The following NBAS variants were observed in gnomAD, a reference collection of about 807,000 sequenced individuals.
NBAS encodes NAG/BC035112 fusion.
Under a neutral mutation model 302.5 loss-of-function variants are expected in NBAS, and 219 were observed. That is an observed-to-expected ratio of 0.72 (90% confidence interval 0.65 to 0.81). NBAS has a LOEUF of 0.81. Ranked by LOEUF, NBAS falls within the 30% of genes least tolerant of loss-of-function variation. The probability of loss-of-function intolerance (pLI) is 0.00; values close to 1 mark genes in which losing one functional copy is unlikely to be tolerated. For missense variants in NBAS, 2,932 were observed against 2,841.6 expected, an observed-to-expected ratio of 1.03 and a Z score of -0.72; for synonymous variants, 1,118 against 1,021.6, an observed-to-expected ratio of 1.09 and a Z score of -1.80.
At chr2:14,954,043 A>C in the NBAS span, among the ~76,000 whole-genome samples, 2 of 152,204 alleles carry the variant, frequency 1.3e-5, no homozygotes, top group African/African-American at 4.8e-5. Context: ...CTTCATTCTT[A>C]AGATTTTCAG....
the NBAS span, among the ~76,000 whole-genome samples, chr2:14,865,970 G>A: frequency 6.6e-6 from 1 of 152,014 alleles, no homozygotes; most frequent in African/African-American, 2.4e-5. Flanking sequence ...TACTAAACAT[G>A]CCCTTAGAAG....
intron 51 of NBAS, among the ~76,000 whole-genome samples, chr2:15,171,101 T>C (rs971031738): frequency 6.6e-6 from 1 of 152,226 alleles, no homozygotes; most frequent in East Asian, 1.9e-4. Context: ...TCTCTGACCA[T>C]GCATTATTCA....
chr2:15,438,909 C>T (rs1678177929), intron 21 of NBAS, among the ~76,000 whole-genome samples: 1 of 152,130 alleles, frequency 6.6e-6, no homozygotes, highest in Non-Finnish European at 1.5e-5. Flanking sequence ...TCACATAGGG[C>T]CAGGAATAGT....
At chr2:14,966,308 A>C in the NBAS span, among the ~76,000 whole-genome samples, 1 of 152,218 alleles carries the variant, frequency 6.6e-6, no homozygotes, top group East Asian at 1.9e-4. Context: ...CTATGAATGC[A>C]GGTCTAGGTT....
the NBAS span, among the ~76,000 whole-genome samples, chr2:14,868,759 C>G: frequency 3.3e-5 from 5 of 152,184 alleles, no homozygotes; most frequent in Non-Finnish European, 5.9e-5. Context: ...TCCAACACCC[C>G]TTTCTTCCTT....
At chr2:14,960,411 T>C in the NBAS span, among the ~76,000 whole-genome samples, 2 of 152,212 alleles carry the variant, frequency 1.3e-5, no homozygotes, top group Non-Finnish European at 2.9e-5. Context: ...GGATGAATAA[T>C]AGCTTCATTT....
chr2:15,022,934 A>G, the NBAS span, among the ~76,000 whole-genome samples: 3 of 151,664 alleles, frequency 2.0e-5, no homozygotes, highest in Non-Finnish European at 4.4e-5. Flanking sequence ...TTTCCTATTT[A>G]GTTTTTTTTT....
chr2:15,554,586 G>A (rs1208179225), intron 3 of NBAS, among the ~76,000 whole-genome samples: 1 of 149,462 alleles, frequency 6.7e-6, no homozygotes, highest in Non-Finnish European at 1.5e-5. Flanking sequence ...GGTAAAGAGA[G>A]AGATAAGAAC....
chr2:15,229,443 A>AT (rs1487003504), intron 47 of NBAS, among the ~76,000 whole-genome samples: 1 of 151,820 alleles, frequency 6.6e-6, no homozygotes, highest in Admixed American at 6.6e-5. Flanking sequence ...AAAAAATTAA[A>AT]TTTAAAAGAA....
chr2:15,392,022 C>CAAAAAA (rs148135728), intron 28 of NBAS, among the ~76,000 whole-genome samples: 1 of 149,368 alleles, frequency 6.7e-6, no homozygotes, highest in African/African-American at 2.5e-5. Flanking sequence ...CTAGCACTAC[C>CAAAAAA]AAAAAAAAAA....
intron 9 of NBAS, among the ~76,000 whole-genome samples, chr2:15,515,356 A>G (rs2241236): frequency 0.64 from 96,907 of 152,032 alleles, 31,616 homozygotes; most frequent in Non-Finnish European, 0.68. Flanking sequence ...TCAGTTATAC[A>G]TGCCAAGGGG....
chr2:14,794,253 G>A, the NBAS span, among the ~76,000 whole-genome samples: 3 of 152,186 alleles, frequency 2.0e-5, no homozygotes, highest in African/African-American at 7.2e-5. Flanking sequence ...CGCTGGGCGC[G>A]CATCCTTAAC....
the NBAS span, among the ~76,000 whole-genome samples, chr2:14,801,016 G>A: frequency 1.3e-5 from 2 of 151,888 alleles, no homozygotes; most frequent in Admixed American, 1.3e-4. Context: ...TTTTCACTGG[G>A]TATAGAATTC....
the NBAS span, among the ~76,000 whole-genome samples, chr2:14,849,644 T>A: frequency 1.4e-5 from 2 of 140,024 alleles, no homozygotes; most frequent in Non-Finnish European, 3.0e-5. Flanking sequence ...TCACCAAAGT[T>A]GAAATGAAGG....
At chr2:15,087,923 C>T in the NBAS span, among the ~76,000 whole-genome samples, 5 of 152,186 alleles carry the variant, frequency 3.3e-5, no homozygotes, top group Admixed American at 6.5e-5. Flanking sequence ...GGTTGCATTA[C>T]GGTTGCAGAG....
intron 43 of NBAS, 117 bp from the exon 44 acceptor site, chr2:15,275,935 G>C: frequency 1.2e-6 from 1 of 826,264 alleles, no homozygotes; most frequent in African/African-American, 1.7e-5. Flanking sequence ...TATCAACTTA[G>C]CTCTAAGTAG....
intron 44 of NBAS, among the ~76,000 whole-genome samples, chr2:15,260,211 G>A (rs1225027193): frequency 1.3e-5 from 2 of 152,126 alleles, no homozygotes; most frequent in Non-Finnish European, 2.9e-5. Flanking sequence ...GAGGTAATCA[G>A]GTGATTTTAA....
chr2:15,140,291 G>C, the NBAS span, among the ~76,000 whole-genome samples: 2 of 152,210 alleles, frequency 1.3e-5, no homozygotes, highest in African/African-American at 4.8e-5. Flanking sequence ...AGAGGCTCCA[G>C]ACAACATGGA....
intron 41 of NBAS, among the ~76,000 whole-genome samples, chr2:15,287,943 C>A (rs572779653): frequency 3.9e-5 from 6 of 152,036 alleles, no homozygotes; most frequent in African/African-American, 1.4e-4. Context: ...ATTCTGAGCA[C>A]CCCATGGAGG....
Sources: gnomAD v4.1 joint callset for allele counts (sites outside exome capture counted in the v4.1 genomes callset) on GRCh38, gnomAD v4.1.1 for gene constraint, MANE v1.5 for transcripts, NCBI Gene and HGNC (gene_info 2026-07-23, HGNC 2026-07-21) for gene names.